ANO4: variants seen among roughly 807,000 people sequenced by gnomAD.
ANO4 encodes the protein anoctamin-4.
In ANO4, 69 loss-of-function variants were observed where a neutral mutation model predicts 141.9. That is an observed-to-expected ratio of 0.49 (90% CI 0.40 to 0.59). The LOEUF (loss-of-function observed/expected upper bound fraction) is 0.59. Ranked by LOEUF, ANO4 falls within the 20% of genes least tolerant of loss-of-function variation. The pLI is 0.00. For synonymous variants in ANO4, 350 were observed against 394.3 expected, an observed-to-expected ratio of 0.89 and a Z score of 1.33; for missense variants, 894 against 1,162.2, an observed-to-expected ratio of 0.77 and a Z score of 3.36.
intron 1 of ANO4, among the ~76,000 whole-genome samples, chr12:100,826,622 T>A (rs1464433124): frequency 6.6e-6 from 1 of 152,094 alleles, no homozygotes; most frequent in Non-Finnish European, 1.5e-5. Flanking sequence ...GCCCTGTTCC[T>A]TTATCTTACA....
At chr12:101,111,499 A>C in intron 23 of ANO4, 64 bp from the exon 24 acceptor site, 3 of 1,407,032 alleles carry the variant, frequency 2.1e-6, no homozygotes, top group Non-Finnish European at 2.8e-6. Context: ...AATTAATTCC[A>C]TTTTTTCATA....
chr12:100,752,599 C>CT (rs1258297388), intron 3 of ANO4, among the ~76,000 whole-genome samples: 1 of 151,938 alleles, frequency 6.6e-6, no homozygotes. Context: ...GTCACGCAAT[C>CT]TTTTTTTAAT....
At chr12:101,048,755 A>G (rs1189345731) in intron 14 of ANO4, among the ~76,000 whole-genome samples, 1 of 152,182 alleles carries the variant, frequency 6.6e-6, no homozygotes, top group Non-Finnish European at 1.5e-5. Context: ...TAAGTGGCTA[A>G]TGTGTGAGTA....
chr12:100,720,334 T>C (rs1362938062), intron 1 of ANO4, among the ~76,000 whole-genome samples: 3 of 151,922 alleles, frequency 2.0e-5, no homozygotes, highest in African/African-American at 7.3e-5. Context: ...GAGGAGAAAC[T>C]TAAGCAGAGA....
At chr12:101,080,865 G>GATATATATATATATTAT (rs1555296490) in intron 15 of ANO4, among the ~76,000 whole-genome samples, 6,431 of 108,602 alleles carry the variant, frequency 0.059, 303 homozygotes, top group East Asian at 0.1. Context: ...CTAGGTTCTA[G>GATATATATATATATTAT]ATATATATAT....
chr12:101,042,633 A>T (rs909597292), intron 12 of ANO4, among the ~76,000 whole-genome samples, 165 bp downstream of exon 12: 2 of 152,126 alleles, frequency 1.3e-5, no homozygotes, highest in African/African-American at 4.8e-5. Context: ...CTCTCCATCC[A>T]TTGTCCTTGC....
chr12:101,124,335 A>C (rs4764636), intron 26 of ANO4, among the ~76,000 whole-genome samples: 33,501 of 151,520 alleles, frequency 0.22, 3,930 homozygotes, highest in African/African-American at 0.28. Context: ...TTTTTTGTAG[A>C]TGTGTTTAAG....
At chr12:100,858,111 A>T (rs2038277710) in intron 1 of ANO4, among the ~76,000 whole-genome samples, 1 of 151,734 alleles carries the variant, frequency 6.6e-6, no homozygotes, top group Non-Finnish European at 1.5e-5. Context: ...TAATACAGTC[A>T]TGTATTGCTT....
chr12:101,059,959 T>A (rs139521486), intron 14 of ANO4, among the ~76,000 whole-genome samples: 2,263 of 152,332 alleles, frequency 0.015, 70 homozygotes, highest in African/African-American at 0.052. Flanking sequence ...CTAGTTCTTT[T>A]AATTGTGATG....
At chr12:100,755,099 A>G (rs954144413) in intron 3 of ANO4, among the ~76,000 whole-genome samples, 5 of 152,198 alleles carry the variant, frequency 3.3e-5, no homozygotes, top group African/African-American at 7.2e-5. Context: ...AAACCCATCA[A>G]TGATCTCTGG....
intron 1 of ANO4, among the ~76,000 whole-genome samples, chr12:100,726,552 T>G (rs1367928886): frequency 6.6e-6 from 1 of 152,170 alleles, no homozygotes; most frequent in Non-Finnish European, 1.5e-5. Flanking sequence ...CTGCAAATCA[T>G]TTGGATATCT....
rs2044767477 is a variant in ANO4 at position 100,987,592 on chromosome 12, G to A, written c.656G>A (p.Arg219Lys). Residue 219 changes from arginine to lysine, a missense_variant, in exon 8 of 28, where the codon AGG (arginine) becomes AAG (lysine). By Grantham distance (26) the Arg-to-Lys change is conservative. Coordinates refer to ENST00000392977, the MANE Select transcript of ANO4 (RefSeq NM_001286615.2). Reference protein sequence around the residue: ...FRRWLPKKPMRLDKETLPDLE... With the variant: ...FRRWLPKKPMKLDKETLPDLE... ...AGATGGTTACCTAAGAAGCCAATGA[G>A]GCTGGACAAGGAGACACTGCCAGAC... 1 of 1,613,966 alleles carries A rather than the reference G, an allele frequency of 6.2e-7. No homozygotes were observed. Among genetic ancestry groups the A allele is most frequent in the African/African-American group, 1.3e-5 (1 of 74,908 alleles).
At chr12:100,808,751 T>G (rs1009419739) in intron 1 of ANO4, among the ~76,000 whole-genome samples, 4 of 152,360 alleles carry the variant, frequency 2.6e-5, no homozygotes, top group African/African-American at 7.2e-5. Context: ...ATATTGAAAC[T>G]TTGCATAAGT....
intron 11 of ANO4, among the ~76,000 whole-genome samples, chr12:101,041,051 A>G (rs879715785): frequency 3.9e-5 from 6 of 152,162 alleles, no homozygotes; most frequent in Non-Finnish European, 8.8e-5. Context: ...TTATTCTCTG[A>G]CATCTCTATT....
At chr12:100,748,368 C>T (rs1373670990) in intron 3 of ANO4, among the ~76,000 whole-genome samples, 2 of 152,196 alleles carry the variant, frequency 1.3e-5, no homozygotes, top group Non-Finnish European at 2.9e-5. Context: ...CACCAGGAGA[C>T]TCATGTGCTC....
Position 101,091,816 on chromosome 12 carries a change from C to G in ANO4, c.1702-2440C>G, listed in dbSNP as rs1033391630. On this transcript the variant is annotated intron_variant, in intron 17 of 27. Coordinates refer to ENST00000392977, the MANE Select transcript of ANO4 (RefSeq NM_001286615.2). ...TTTCTGACTTTTTGCTAGATTTGTC[C>G]AGTGCTAACTAAAATAACTAAAATA... Among the ~76,000 whole-genome samples the G allele has an allele frequency of 1.1e-4, 16 of 151,914 alleles. No homozygotes were observed. The South Asian group carries it at 2.9e-3, about 28-fold the overall frequency.
At position 101,020,144 on chromosome 12, in the gene ANO4, A is replaced by G; in HGVS notation, c.841+4A>G. 6.3e-7 allele frequency: 1 copy of G among 1,579,972 alleles called. No homozygotes were observed. Among genetic ancestry groups the G allele is most frequent in the Non-Finnish European group, 8.7e-7 (1 of 1,149,706 alleles). On this transcript the variant is annotated splice_donor_region_variant and intron_variant, in intron 9 of 27. Transcript: ENST00000392977. ...GAAGAAGGAAAAAACAAGATTGGTAAGTAGTATGTTAGTATAACAAACTAC... is the reference window on the plus strand; with the variant it reads ...GAAGAAGGAAAAAACAAGATTGGTAGGTAGTATGTTAGTATAACAAACTAC...
intron 2 of ANO4, 48 bp from the exon 3 acceptor site, chr12:100,922,178 C>T: frequency 7.3e-7 from 1 of 1,366,500 alleles, no homozygotes; most frequent in Non-Finnish European, 9.7e-7. Context: ...TAATGACAGA[C>T]TCTCTGATAA....
chr12:100,836,395 G>C (rs1312364478), intron 1 of ANO4, among the ~76,000 whole-genome samples: 1 of 151,902 alleles, frequency 6.6e-6, no homozygotes. Context: ...ACAACATGCA[G>C]GTTTGTTACA....
Sources: gnomAD v4.1 joint callset for allele counts (sites outside exome capture counted in the v4.1 genomes callset) on GRCh38, gnomAD v4.1.1 for gene constraint, MANE v1.5 for transcripts, NCBI Gene and HGNC (gene_info 2026-07-23, HGNC 2026-07-21) for gene names.